The following SULF2 variants were observed in gnomAD, a reference collection of about 807,000 sequenced individuals.
SULF2 encodes sulfatase 2, also known as extracellular sulfatase Sulf-2.
SULF2 carries 52 observed loss-of-function variants against 107.7 expected under a neutral mutation model. The ratio of observed to expected loss-of-function variants is 0.48; its 90% confidence interval spans 0.39 to 0.61. The LOEUF is 0.61. SULF2 is among the 20% of genes least tolerant of loss of function. The probability of loss-of-function intolerance (pLI) is 0.00; values close to 1 mark genes in which losing one functional copy is unlikely to be tolerated. For synonymous variants in SULF2, 460 were observed against 464.3 expected (o/e 0.99, Z 0.12); for missense variants, 993 against 1,177.3 (o/e 0.84, Z 2.29).
chr20:47,760,147 TG>T (rs2090386798), intron 1 of SULF2, among the ~76,000 whole-genome samples: 1 of 152,220 alleles, frequency 6.6e-6, no homozygotes, highest in Non-Finnish European at 1.5e-5. Context: ...AACGAGGAGC[TG>T]GCCACTGTGT....
chr20:47,750,222 C>T (rs775959902), intron 2 of SULF2, among the ~76,000 whole-genome samples: 16 of 152,272 alleles, frequency 1.1e-4, no homozygotes, highest in African/African-American at 2.6e-4. Context: ...CCTCTTGATC[C>T]GCGTGCCTTG....
intron 3 of SULF2, among the ~76,000 whole-genome samples, chr20:47,720,864 G>A (rs2089276351): frequency 6.6e-6 from 1 of 152,196 alleles, no homozygotes. Flanking sequence ...TAACCTAGCA[G>A]GGGAGCTGGA....
chr20:47,734,027 T>C (rs1013850746), intron 3 of SULF2, among the ~76,000 whole-genome samples: 3 of 152,190 alleles, frequency 2.0e-5, no homozygotes, highest in Non-Finnish European at 4.4e-5. Context: ...CAGTATCCGT[T>C]TTCTTCTTCT....
At chr20:47,767,259 T>G (rs1443305024) in intron 1 of SULF2, among the ~76,000 whole-genome samples, 1 of 152,230 alleles carries the variant, frequency 6.6e-6, no homozygotes, top group Non-Finnish European at 1.5e-5. Context: ...CAGATCTGTA[T>G]GCAGCAAGTG....
chr20:47,766,682 GA>G (rs1291575795), intron 1 of SULF2, among the ~76,000 whole-genome samples: 1 of 152,216 alleles, frequency 6.6e-6, no homozygotes, highest in Non-Finnish European at 1.5e-5. Flanking sequence ...GGAAAAGCTG[GA>G]GTTGAAAGAT....
At chr20:47,665,035 A>G (rs1371332964) in intron 14 of SULF2, among the ~76,000 whole-genome samples, 164 bp downstream of exon 14, 1 of 152,218 alleles carries the variant, frequency 6.6e-6, no homozygotes. Context: ...CGTGTGCCAC[A>G]CTGGCTGACA....
At chr20:47,777,464 T>G (rs187472369) in intron 1 of SULF2, among the ~76,000 whole-genome samples, 103 of 152,200 alleles carry the variant, frequency 6.8e-4, no homozygotes, top group African/African-American at 2.4e-3. Flanking sequence ...AAAGACATGA[T>G]GAGGACAGAA....
chr20:47,694,424 G>A lies in SULF2; in HGVS notation c.568-4129C>T, dbSNP rs2088306423. On this transcript the variant is annotated intron_variant, in intron 4 of 20. Transcript: ENST00000688720. The surrounding 1 kb of genome is among the most constrained non-coding windows in gnomAD (Gnocchi z 4.4). The stretch of plus-strand genomic sequence containing the variant: ...GGCAAACTGTGTTTGGGGTGCCCGG[G>A]TCAAGCCATGAGGAAGAACTCTGAA... Among the ~76,000 whole-genome samples, 1 of 152,238 alleles carries A rather than the reference G, an allele frequency of 6.6e-6. No homozygotes were observed. The highest frequency in any genetic ancestry group is 1.5e-5 in the Non-Finnish European group (1 of 68,030).
chr20:47,758,462 T>G (rs2090346311), intron 1 of SULF2, among the ~76,000 whole-genome samples: 1 of 152,184 alleles, frequency 6.6e-6, no homozygotes, highest in Non-Finnish European at 1.5e-5. Context: ...TGAGCCACTG[T>G]GCCCAGCCTA....
At chr20:47,765,356 A>AAAAAC (rs1328308627) in intron 1 of SULF2, among the ~76,000 whole-genome samples, 1 of 133,464 alleles carries the variant, frequency 7.5e-6, no homozygotes, top group Non-Finnish European at 1.6e-5. Context: ...TGCCTTAAAA[A>AAAAAC]AAAACAAAAC....
Position 47,678,906 on chromosome 20 carries a change from C to T in SULF2, c.1065-102G>A, listed in dbSNP as rs1443613715. 4 of 977,596 alleles carry T rather than the reference C, an allele frequency of 4.1e-6. No individual in the cohort carries two copies. Among genetic ancestry groups the T allele is most frequent in the African/African-American group, 3.2e-5 (2 of 63,294 alleles). The allele number at this position is 977,596 out of a possible 1,614,324, so 60.6% of individuals were successfully genotyped here. A position where few individuals can be genotyped will look rare whatever the true frequency, so the allele number is the denominator to read the frequency against. On this transcript the variant is annotated intron_variant, in intron 7 of 20. Transcript: ENST00000688720. The surrounding 1 kb of genome is among the most constrained non-coding windows in gnomAD (Gnocchi z 4.5). ...TAGGTGGGCAGCAGTTTGTGGGAGG[C>T]TGACATCTGCAGGTATGGAAGCTGC...
intron 1 of SULF2, among the ~76,000 whole-genome samples, chr20:47,777,922 G>A (rs897551499): frequency 3.3e-5 from 5 of 150,920 alleles, no homozygotes; most frequent in Non-Finnish European, 7.4e-5. Flanking sequence ...GGTCACTTGA[G>A]CCCAGGAGTT....
At chr20:47,742,382 G>C (rs967408400) in intron 2 of SULF2, among the ~76,000 whole-genome samples, 1 of 152,174 alleles carries the variant, frequency 6.6e-6, no homozygotes, top group African/African-American at 2.4e-5. Context: ...GGGACATGCA[G>C]ACAAAAACAG....
intron 1 of SULF2, among the ~76,000 whole-genome samples, chr20:47,763,729 C>T (rs1012490416): frequency 6.6e-6 from 1 of 152,148 alleles, no homozygotes; most frequent in Non-Finnish European, 1.5e-5. Context: ...GAAGGACCTC[C>T]TATGAGGCAC....
At chr20:47,719,921 A>G (rs2146690171) in intron 3 of SULF2, among the ~76,000 whole-genome samples, 1 of 151,938 alleles carries the variant, frequency 6.6e-6, no homozygotes, top group South Asian at 2.1e-4. Flanking sequence ...GTTACCAGTA[A>G]TGGCAATACC....
intron 11 of SULF2, among the ~76,000 whole-genome samples, chr20:47,667,212 T>C (rs1420064699): frequency 6.6e-6 from 1 of 152,164 alleles, no homozygotes; most frequent in Non-Finnish European, 1.5e-5. Flanking sequence ...AAAGGGGCCC[T>C]GCAGTGCCTG....
rs1401793028 is a variant in SULF2, at chr20:47,701,337, C to T, written c.567+1182G>A. 3.3e-5 allele frequency among the ~76,000 whole-genome samples: 5 copies of T among 152,098 alleles called. No individual in the cohort carries two copies. In the East Asian group the frequency reaches 7.7e-4, roughly 23 times the overall value. On this transcript the variant is annotated intron_variant, in intron 4 of 20. Coordinates refer to ENST00000688720, the MANE Select transcript of SULF2 (RefSeq NM_001387048.1). The stretch of plus-strand genomic sequence containing the variant: ...GTGCTCTATGTCTTGATCGGAGCCG[C>T]GGTGAAATGGATGCACGCATATGTG...
intron 11 of SULF2, among the ~76,000 whole-genome samples, chr20:47,669,145 C>G (rs2087379404): frequency 6.6e-6 from 1 of 152,170 alleles, no homozygotes; most frequent in Non-Finnish European, 1.5e-5. Context: ...CGTGTCTCTC[C>G]AGGTCAACTC....
intron 3 of SULF2, among the ~76,000 whole-genome samples, chr20:47,725,148 A>T (rs1437624656): frequency 2.6e-5 from 4 of 152,216 alleles, no homozygotes; most frequent in East Asian, 1.9e-4. Context: ...GGCGGGCGAC[A>T]TTTGCCATTC....
Sources: gnomAD v4.1 joint callset for allele counts (sites outside exome capture counted in the v4.1 genomes callset) on GRCh38, gnomAD v4.1.1 for gene constraint, Gnocchi (gnomAD v3.1) non-coding constraint, MANE v1.5 for transcripts, NCBI Gene and HGNC (gene_info 2026-07-23, HGNC 2026-07-21) for gene names.